EEA1: variants seen among roughly 807,000 people sequenced by gnomAD.
The protein encoded by EEA1 is early endosome antigen 1, 162kD.
Under a neutral mutation model 209.2 loss-of-function variants are expected in EEA1, and 111 were observed. The ratio of observed to expected loss-of-function variants is 0.53; its 90% confidence interval spans 0.45 to 0.62. The LOEUF (loss-of-function observed/expected upper bound fraction) is 0.62, where lower values mean the gene tolerates loss of function less well. Among genes scored for constraint, EEA1 ranks in the 20% least tolerant of loss-of-function variants. The probability of loss-of-function intolerance (pLI) is 0.00; values close to 1 mark genes in which losing one functional copy is unlikely to be tolerated. For synonymous variants in EEA1, 536 were observed against 540.6 expected (o/e 0.99, Z 0.12); for missense variants, 1,343 against 1,530.8 (o/e 0.88, Z 2.05).
At chr12:92,890,808 A>G (rs1474045316) in intron 2 of EEA1, among the ~76,000 whole-genome samples, 1 of 152,218 alleles carries the variant, frequency 6.6e-6, no homozygotes, top group Admixed American at 6.5e-5. Flanking sequence ...AAATAAACAC[A>G]TGGTCAGAGA....
chr12:92,790,912 A>G (rs997405847), intron 21 of EEA1, among the ~76,000 whole-genome samples: 2 of 152,256 alleles, frequency 1.3e-5, no homozygotes, highest in African/African-American at 4.8e-5. Context: ...CCATCAGACT[A>G]ACAGCAGATC....
chr12:92,875,846 A>G (rs1316096781), intron 2 of EEA1, among the ~76,000 whole-genome samples: 1 of 152,252 alleles, frequency 6.6e-6, no homozygotes, highest in East Asian at 1.9e-4. Context: ...CATGACAGGC[A>G]TATTCCCACC....
At chr12:92,801,444 A>G (rs1275267467) in intron 20 of EEA1, among the ~76,000 whole-genome samples, 156 bp downstream of exon 20, 2 of 151,940 alleles carry the variant, frequency 1.3e-5, no homozygotes, top group Admixed American at 1.3e-4. Context: ...CCTATGACCT[A>G]AATATCAGTA....
intron 21 of EEA1, among the ~76,000 whole-genome samples, chr12:92,795,949 C>T (rs1461638824): frequency 6.6e-6 from 1 of 151,994 alleles, no homozygotes; most frequent in African/African-American, 2.4e-5. Flanking sequence ...TCTTTGGGCT[C>T]ATGTTTGGGC....
chr12:92,880,667 G>C (rs1331523511), intron 2 of EEA1, among the ~76,000 whole-genome samples: 1 of 152,086 alleles, frequency 6.6e-6, no homozygotes, highest in Non-Finnish European at 1.5e-5. Context: ...AGTAGAGACG[G>C]GGTTTCACAG....
At chr12:92,776,174 T>C (rs1873650740) in intron 28 of EEA1, 41 bp from the exon 29 acceptor site, 1 of 1,567,528 alleles carries the variant, frequency 6.4e-7, no homozygotes, top group Non-Finnish European at 8.7e-7. Context: ...GAATAAAAAC[T>C]ATACCAAAAG....
In EEA1 at chr12:92,851,245, C is replaced by T; in HGVS notation, c.664G>A (p.Asp222Asn). The T allele has an allele frequency of 6.2e-7, 1 of 1,612,798 alleles. No individual in the cohort carries two copies. The change falls in exon 9 of 29, where the codon GAT (aspartate) becomes AAT (asparagine). Residue 222 changes from aspartate (D) to asparagine (N), a missense_variant. Coordinates refer to ENST00000322349, the MANE Select transcript of EEA1 (RefSeq NM_003566.4). ...TELLQRPGIE[D>N]VAVLKKELVQ... is the part of the protein sequence containing the mutation. ...AGTTCTTTCTTTAGCACGGCAACAT[C>T]TTCTATACCAGGTCTCTGAAGCTGT... is the stretch of plus-strand genomic sequence containing the variant.
At chr12:92,892,607 C>A (rs1228051206) in intron 1 of EEA1, among the ~76,000 whole-genome samples, 1 of 86,248 alleles carries the variant, frequency 1.2e-5, no homozygotes, top group Non-Finnish European at 3.2e-5. Flanking sequence ...GCTGGTCTCA[C>A]TCTGTCATCC....
intron 5 of EEA1, among the ~76,000 whole-genome samples, chr12:92,855,990 T>C (rs1182191661): frequency 1.3e-5 from 2 of 152,180 alleles, no homozygotes; most frequent in Non-Finnish European, 2.9e-5. Context: ...GAATCACCAA[T>C]TAGAAAAGCT....
intron 21 of EEA1, among the ~76,000 whole-genome samples, chr12:92,789,139 A>C (rs1157845419): frequency 6.6e-6 from 1 of 151,922 alleles, no homozygotes; most frequent in Non-Finnish European, 1.5e-5. Context: ...AAAATACAAA[A>C]ATTAGCTGGG....
chr12:92,804,163 C>T (rs1359432932), intron 18 of EEA1, among the ~76,000 whole-genome samples: 1 of 152,164 alleles, frequency 6.6e-6, no homozygotes, highest in Non-Finnish European at 1.5e-5. Flanking sequence ...ACACAGAGTA[C>T]ATATATGTGC....
chr12:92,871,575 T>C (rs1878649021), intron 2 of EEA1, among the ~76,000 whole-genome samples: 1 of 152,170 alleles, frequency 6.6e-6, no homozygotes, highest in Non-Finnish European at 1.5e-5. Context: ...CAGAAAAATA[T>C]TTTTATAAAA....
In EEA1 at chr12:92,851,275, C is replaced by T. The variant is rs1305540958; in HGVS notation, c.643-9G>A. The T allele has an allele frequency of 2.6e-5, 41 of 1,597,428 alleles. No individual in the cohort carries two copies. Among genetic ancestry groups the T allele is most frequent in the Non-Finnish European group, 3.4e-5 (40 of 1,175,510 alleles). On this transcript the variant is annotated splice_polypyrimidine_tract_variant and intron_variant, in intron 8 of 28. Coordinates refer to ENST00000322349, the MANE Select transcript of EEA1 (RefSeq NM_003566.4). ...ATACCAGGTCTCTGAAGCTGTGAAA[C>T]AACACATTTTAATTAAAAATTAAAG...
intron 11 of EEA1, among the ~76,000 whole-genome samples, chr12:92,829,790 AAAAAAAC>A (rs1876527956): frequency 7.0e-6 from 1 of 142,218 alleles, no homozygotes. Flanking sequence ...AAAAAAAAAA[AAAAAAAC>A]AAAAAACAAG....
At position 92,777,235 on chromosome 12, in the gene EEA1, A is replaced by G. The variant is rs142838524; in HGVS notation, c.4015-293T>C. Among the ~76,000 whole-genome samples the G allele has an allele frequency of 5.9e-3, 894 of 152,010 alleles. 8 individuals carry two copies. The highest frequency in any genetic ancestry group is 0.021 in the African/African-American group (854 of 41,540). ...ATGAATTTTCCCTGGTGACTCTGAG[A>G]ATATACTCAGATCGCTTCTTTAACA... On this transcript the variant is annotated intron_variant, in intron 27 of 28. Coordinates refer to ENST00000322349, the MANE Select transcript of EEA1 (RefSeq NM_003566.4).
At chr12:92,830,489 T>A (rs956076676) in intron 11 of EEA1, among the ~76,000 whole-genome samples, 2 of 151,980 alleles carry the variant, frequency 1.3e-5, no homozygotes, top group Non-Finnish European at 2.9e-5. Context: ...CACATTGCTA[T>A]AAGGAGCATG....
rs189209123 is a variant in EEA1 at position 92,832,237 on chromosome 12, C to T, written c.1254+275G>A. Reference sequence around the variant, plus strand: ...TATAATAGCTAAAATCTAGTGAGTACCTACACGCCCCAGGTACCATCCTAA... The same window carrying T: ...TATAATAGCTAAAATCTAGTGAGTATCTACACGCCCCAGGTACCATCCTAA... On this transcript the variant is annotated intron_variant, in intron 11 of 28. Transcript: ENST00000322349. Among the ~76,000 whole-genome samples, 54 of 152,068 alleles carry T rather than the reference C, an allele frequency of 3.6e-4. 1 individual carries two copies. In the East Asian group the frequency reaches 8.7e-3, roughly 24 times the overall value.
chr12:92,876,127 A>G (rs989736555), intron 2 of EEA1, among the ~76,000 whole-genome samples: 3 of 152,174 alleles, frequency 2.0e-5, no homozygotes, highest in Non-Finnish European at 2.9e-5. Flanking sequence ...GCTGGAATGC[A>G]GTGGCAGAAT....
chr12:92,886,387 AGAGGG>A (rs1185766834), intron 2 of EEA1, among the ~76,000 whole-genome samples: 41 of 53,822 alleles, frequency 7.6e-4, no homozygotes, highest in African/African-American at 2.9e-3. Context: ...AGAGGCGAGG[AGAGGG>A]GAGGGGAGGG....
Sources: allele counts gnomAD v4.1 joint callset (sites outside exome capture counted in the v4.1 genomes callset), GRCh38; gene constraint gnomAD v4.1.1; transcripts MANE v1.5; gene names NCBI Gene and HGNC (gene_info 2026-07-23, HGNC 2026-07-21).